TAFA1: variants seen among roughly 807,000 people sequenced by gnomAD.
TAFA1 encodes the protein TAFA chemokine like family member 1.
Under a neutral mutation model 18.5 loss-of-function variants are expected in TAFA1, and 4 were observed. The ratio of observed to expected loss-of-function variants is 0.22; its 90% confidence interval spans 0.11 to 0.49. The LOEUF (loss-of-function observed/expected upper bound fraction) is 0.49. Ranked by LOEUF, TAFA1 falls within the 20% of genes least tolerant of loss-of-function variation. The pLI, the probability that TAFA1 is intolerant of heterozygous loss-of-function variation, is 0.98. For missense variants in TAFA1, 147 were observed against 169.0 expected (o/e 0.87, Z 0.72); for synonymous variants, 56 against 55.2 (o/e 1.01, Z -0.06).
In TAFA1 at chr3:68,145,271, T is replaced by C. The variant is rs2065724549; in HGVS notation, c.118+138527T>C. The stretch of plus-strand genomic sequence containing the variant: ...CTGGCAGAGAGATTTCCCTGGGATC[T>C]ATACAACCATCAACGCTCATCAGTG... On this transcript the variant is annotated intron_variant, in intron 2 of 4. Coordinates refer to ENST00000478136, the MANE Select transcript of TAFA1 (RefSeq NM_213609.4). 1.4e-5 allele frequency: 11 copies of C among 788,484 alleles called. No individual in the cohort carries two copies. In the Admixed American group the frequency reaches 1.9e-4, roughly 13 times the overall value. The allele number at this position is 788,484 out of a possible 1,614,324, so 48.8% of individuals were successfully genotyped here. A position where few individuals can be genotyped will look rare whatever the true frequency, so the allele number is the denominator to read the frequency against.
At chr3:68,385,212 C>T (rs753320265) in intron 2 of TAFA1, among the ~76,000 whole-genome samples, 2 of 152,056 alleles carry the variant, frequency 1.3e-5, no homozygotes, top group Admixed American at 6.6e-5. Context: ...AGCATCTAGA[C>T]TATTACGAGG....
At chr3:68,432,096 A>G (rs1415781494) in intron 3 of TAFA1, among the ~76,000 whole-genome samples, 1 of 151,952 alleles carries the variant, frequency 6.6e-6, no homozygotes, top group Non-Finnish European at 1.5e-5. Flanking sequence ...TGGTGGTGCC[A>G]AGGTCATCTA....
chr3:68,122,786 C>A (rs1281266664), intron 2 of TAFA1, among the ~76,000 whole-genome samples: 2 of 151,136 alleles, frequency 1.3e-5, no homozygotes, highest in Non-Finnish European at 3.0e-5. Context: ...CATGTCATTT[C>A]TGTATATGTG....
chr3:68,239,864 T>C (rs2066974640), intron 2 of TAFA1, among the ~76,000 whole-genome samples: 1 of 152,186 alleles, frequency 6.6e-6, no homozygotes, highest in South Asian at 2.1e-4. Context: ...AGAAGACAGA[T>C]GGTTTTGCTG....
At chr3:68,222,993 A>C (rs2066750810) in intron 2 of TAFA1, among the ~76,000 whole-genome samples, 1 of 152,040 alleles carries the variant, frequency 6.6e-6, no homozygotes, top group African/African-American at 2.4e-5. Flanking sequence ...TTGTTTTTTA[A>C]AATATCACTT....
At chr3:68,117,718 T>C (rs970889770) in intron 2 of TAFA1, among the ~76,000 whole-genome samples, 2 of 152,218 alleles carry the variant, frequency 1.3e-5, no homozygotes, top group African/African-American at 4.8e-5. Flanking sequence ...CCTGAAAGTA[T>C]AGTGGAATCA....
At chr3:68,427,843 T>C (rs1265050393) in intron 3 of TAFA1, among the ~76,000 whole-genome samples, 1 of 151,862 alleles carries the variant, frequency 6.6e-6, no homozygotes, top group African/African-American at 2.4e-5. Context: ...AGTGAATAAG[T>C]CTCATGAGAT....
chr3:68,209,892 G>T (rs2066574655), intron 2 of TAFA1, among the ~76,000 whole-genome samples: 1 of 151,876 alleles, frequency 6.6e-6, no homozygotes, highest in Non-Finnish European at 1.5e-5. Context: ...CAAATCTATA[G>T]ATGTGGAGCC....
intron 2 of TAFA1, among the ~76,000 whole-genome samples, chr3:68,154,007 T>A (rs1291475631): frequency 6.6e-6 from 1 of 152,114 alleles, no homozygotes; most frequent in Non-Finnish European, 1.5e-5. Flanking sequence ...TTAGTAAGAG[T>A]AATTAATGCT....
At chr3:68,424,817 A>G (rs1355365481) in intron 3 of TAFA1, among the ~76,000 whole-genome samples, 2 of 152,040 alleles carry the variant, frequency 1.3e-5, no homozygotes, top group Non-Finnish European at 1.5e-5. Flanking sequence ...AAACTTGAAC[A>G]CAATATTTCC....
chr3:68,050,618 A>G (rs2064458841), intron 2 of TAFA1, among the ~76,000 whole-genome samples: 1 of 152,152 alleles, frequency 6.6e-6, no homozygotes, highest in African/African-American at 2.4e-5. Context: ...GCAGAGCCTT[A>G]TGGGTAAGAG....
At chr3:68,490,250 T>A (rs1020687291) in intron 3 of TAFA1, among the ~76,000 whole-genome samples, 1 of 152,208 alleles carries the variant, frequency 6.6e-6, no homozygotes, top group Non-Finnish European at 1.5e-5. Flanking sequence ...TTCCAGTGAA[T>A]AGTTCATCAT....
At chr3:68,340,998 G>A (rs9850398) in intron 2 of TAFA1, among the ~76,000 whole-genome samples, 2,023 of 152,224 alleles carry the variant, frequency 0.013, 49 homozygotes, top group African/African-American at 0.046. Flanking sequence ...TGGGTAAGAT[G>A]TTGATGTCTA....
chr3:68,460,039 T>C (rs2071746208), intron 3 of TAFA1, among the ~76,000 whole-genome samples: 1 of 152,138 alleles, frequency 6.6e-6, no homozygotes, highest in African/African-American at 2.4e-5. Context: ...AAAGAATTAC[T>C]TTATGGTTGT....
Position 68,519,436 on chromosome 3 carries a change from C to T in TAFA1, c.260-19320C>T, listed in dbSNP as rs189147919. On this transcript the variant is annotated intron_variant, in intron 3 of 4. Transcript: ENST00000478136. The stretch of plus-strand genomic sequence containing the variant: ...TTTATATTATTTTGTTATAATATCC[C>T]AAATGGACAAAGCCAATTGTTAATG... 2.6e-5 allele frequency among the ~76,000 whole-genome samples: 4 copies of T among 152,286 alleles called. No individual in the cohort carries two copies. The East Asian group carries it at 7.7e-4, about 29-fold the overall frequency.
chr3:68,493,029 T>G (rs2072481345), intron 3 of TAFA1, among the ~76,000 whole-genome samples: 1 of 152,178 alleles, frequency 6.6e-6, no homozygotes, highest in African/African-American at 2.4e-5. Flanking sequence ...ATCTTAGCCA[T>G]TTTTAAGTGT....
intron 2 of TAFA1, among the ~76,000 whole-genome samples, chr3:68,274,637 T>G (rs573348855): frequency 6.6e-6 from 1 of 152,176 alleles, no homozygotes; most frequent in Non-Finnish European, 1.5e-5. Flanking sequence ...TAGATAGTTA[T>G]AGCACCCATA....
chr3:68,026,531 C>T (rs1704820676), intron 2 of TAFA1, among the ~76,000 whole-genome samples: 2 of 152,096 alleles, frequency 1.3e-5, no homozygotes, highest in African/African-American at 4.8e-5. Flanking sequence ...CTACCCTAAG[C>T]ACTGCAGACC....
chr3:68,098,708 C>A (rs1449747722), intron 2 of TAFA1, among the ~76,000 whole-genome samples: 1 of 151,946 alleles, frequency 6.6e-6, no homozygotes, highest in Non-Finnish European at 1.5e-5. Flanking sequence ...CAAAGCAATC[C>A]TAAGCAAAAA....
Sources: gnomAD v4.1 joint callset for allele counts (sites outside exome capture counted in the v4.1 genomes callset) on GRCh38, gnomAD v4.1.1 for gene constraint, MANE v1.5 for transcripts, NCBI Gene and HGNC (gene_info 2026-07-23, HGNC 2026-07-21) for gene names.